Variants in RABGAP1L observed in about 807,000 individuals in gnomAD.
RABGAP1L encodes RAB GTPase activating protein 1 like.
RABGAP1L carries 63 observed loss-of-function variants against 137.7 expected under a neutral mutation model. That is an observed-to-expected ratio of 0.46 (90% CI 0.37 to 0.56). The LOEUF is 0.56. Among genes scored for constraint, RABGAP1L ranks in the 20% least tolerant of loss-of-function variants. RABGAP1L has a pLI of 0.00. For missense variants in RABGAP1L, 1,095 were observed against 1,244.0 expected, an observed-to-expected ratio of 0.88 and a Z score of 1.80; for synonymous variants, 431 against 433.7, an observed-to-expected ratio of 0.99 and a Z score of 0.08.
intron 13 of RABGAP1L, among the ~76,000 whole-genome samples, chr1:174,398,653 T>C (rs1461187863): frequency 6.6e-6 from 1 of 152,206 alleles, no homozygotes. Context: ...CAACTCCATC[T>C]ATATATTCTT....
chr1:174,252,511 T>C lies in RABGAP1L; in HGVS notation c.907T>C (p.Phe303Leu). Residue 303 changes from phenylalanine (F) to leucine (L), a missense_variant, in exon 7 of 26, where the codon TTC becomes CTC. Physicochemically the swap from Phe to Leu is conservative, Grantham distance 22. Around this residue, in one of 4 missense-constraint regions of RABGAP1L, gnomAD observed 112 missense variants for 157.3 expected, o/e 0.71. Transcript: ENST00000681986. ...GCCTAAGGATAGAGATAAATTTTAT[T>C]TCAAATTAAAGCAAGGAATAGAGAA... The part of the protein sequence containing the change: ...PVPKDRDKFY[F>L]KLKQGIEKKV... 2 of 1,613,216 alleles carry C rather than the reference T, an allele frequency of 1.2e-6. No homozygotes were observed. Among genetic ancestry groups the C allele is most frequent in the Non-Finnish European group, 1.7e-6 (2 of 1,179,690 alleles).
At chr1:174,692,742 C>T (rs1240484186) in intron 15 of RABGAP1L, among the ~76,000 whole-genome samples, 2 of 152,068 alleles carry the variant, frequency 1.3e-5, no homozygotes, top group African/African-American at 4.8e-5. Context: ...ATGTATAAGA[C>T]AGAGTCTCTG....
intron 4 of RABGAP1L, among the ~76,000 whole-genome samples, chr1:174,239,497 A>G (rs1218429295): frequency 2.0e-5 from 3 of 152,172 alleles, no homozygotes; most frequent in Admixed American, 6.5e-5. Context: ...GTTTCATCTT[A>G]GTAAACATTT....
chr1:174,718,666 A>C (rs1482526453), intron 17 of RABGAP1L, among the ~76,000 whole-genome samples: 1 of 152,026 alleles, frequency 6.6e-6, no homozygotes, highest in African/African-American at 2.4e-5. Context: ...TATCAGGCTG[A>C]GTGTAAGGAT....
At chr1:174,565,289 G>A (rs1217793902) in intron 13 of RABGAP1L, among the ~76,000 whole-genome samples, 1 of 152,102 alleles carries the variant, frequency 6.6e-6, no homozygotes, top group Non-Finnish European at 1.5e-5. Context: ...GTAATGAAAC[G>A]TGGCTTTCCC....
chr1:174,620,080 A>AGG (rs537482465), intron 13 of RABGAP1L, among the ~76,000 whole-genome samples: 3,419 of 149,994 alleles, frequency 0.023, 61 homozygotes, highest in Middle Eastern at 0.086. Flanking sequence ...ATTCAACAAG[A>AGG]ATAACTATCC....
Position 174,841,040 on chromosome 1 carries a change from AT to A in RABGAP1L, c.2340+29081del, listed in dbSNP as rs1693341776. On this transcript the variant is annotated intron_variant, in intron 19 of 25. Coordinates refer to ENST00000681986, the MANE Select transcript of RABGAP1L (RefSeq NM_001366446.1). ...ATCCATAAAGCAGAAACTACAGAAA[AT>A]ATAAAGAATAATAGTTACATAGTAG... is the stretch of plus-strand genomic sequence containing the variant. Among the ~76,000 whole-genome samples, 3 of 152,102 alleles carry A rather than the reference AT, an allele frequency of 2.0e-5. No individual in the cohort carries two copies. The South Asian group carries it at 6.2e-4, about 32-fold the overall frequency.
intron 4 of RABGAP1L, among the ~76,000 whole-genome samples, chr1:174,232,391 A>G (rs1005004977): frequency 6.6e-6 from 1 of 151,880 alleles, no homozygotes; most frequent in Non-Finnish European, 1.5e-5. Flanking sequence ...AGGCTGAGGC[A>G]GGAGAATCGC....
chr1:174,610,707 C>T (rs1365822133), intron 13 of RABGAP1L, among the ~76,000 whole-genome samples: 1 of 152,220 alleles, frequency 6.6e-6, no homozygotes, highest in Admixed American at 6.5e-5. Flanking sequence ...CACATCCTCT[C>T]CAGCACCTGT....
chr1:174,655,481 T>G (rs1486572727), intron 14 of RABGAP1L, among the ~76,000 whole-genome samples: 1 of 152,200 alleles, frequency 6.6e-6, no homozygotes, highest in Non-Finnish European at 1.5e-5. Context: ...GAATAATCTG[T>G]TCTTATTTCT....
At chr1:174,808,787 G>A (rs1199942673) in intron 18 of RABGAP1L, among the ~76,000 whole-genome samples, 1 of 151,882 alleles carries the variant, frequency 6.6e-6, no homozygotes, top group Admixed American at 6.6e-5. Context: ...CCAAGTAGCT[G>A]GGATTACAGG....
At chr1:174,488,214 A>G (rs1436354504) in intron 13 of RABGAP1L, among the ~76,000 whole-genome samples, 2 of 151,834 alleles carry the variant, frequency 1.3e-5, no homozygotes, top group Non-Finnish European at 2.9e-5. Context: ...TGTAGAACAG[A>G]TCTAGTGTTT....
At chr1:174,898,679 T>C (rs1657636582) in intron 19 of RABGAP1L, among the ~76,000 whole-genome samples, 1 of 152,236 alleles carries the variant, frequency 6.6e-6, no homozygotes, top group East Asian at 1.9e-4. Context: ...TTGTGCTTTA[T>C]ACATGGAAAG....
intron 23 of RABGAP1L, among the ~76,000 whole-genome samples, chr1:174,981,961 T>C (rs1671171871): frequency 6.6e-6 from 1 of 152,190 alleles, no homozygotes; most frequent in Non-Finnish European, 1.5e-5. Context: ...TTAGAAAGAT[T>C]AATGACTTTG....
chr1:174,506,329 A>T (rs1278900087), intron 13 of RABGAP1L, among the ~76,000 whole-genome samples: 1 of 152,222 alleles, frequency 6.6e-6, no homozygotes, highest in Non-Finnish European at 1.5e-5. Context: ...TGGCAGAGAT[A>T]AATAGTCAGA....
chr1:174,186,422 T>G (rs2148317411), intron 1 of RABGAP1L, among the ~76,000 whole-genome samples: 1 of 152,360 alleles, frequency 6.6e-6, no homozygotes, highest in South Asian at 2.1e-4. Context: ...GCAGTTATTT[T>G]AAACTGCTTT....
intron 10 of RABGAP1L, among the ~76,000 whole-genome samples, chr1:174,292,080 C>G (rs1362229803): frequency 2.1e-5 from 3 of 145,474 alleles, no homozygotes; most frequent in Non-Finnish European, 4.5e-5. Flanking sequence ...CTCTGTCACC[C>G]AGGCTGGAGT....
At chr1:174,311,283 C>T (rs541248290) in intron 11 of RABGAP1L, among the ~76,000 whole-genome samples, 100 of 152,252 alleles carry the variant, frequency 6.6e-4, no homozygotes, top group African/African-American at 2.3e-3. Context: ...GAAGAGCCCC[C>T]TTATAAAACC....
At chr1:174,567,000 T>G (rs1211426493) in intron 13 of RABGAP1L, among the ~76,000 whole-genome samples, 2 of 152,204 alleles carry the variant, frequency 1.3e-5, no homozygotes, top group Admixed American at 1.3e-4. Context: ...ATAATATTTA[T>G]CATTATACTC....
Sources: gnomAD v4.1 joint callset for allele counts (sites outside exome capture counted in the v4.1 genomes callset) on GRCh38, gnomAD v4.1.1 for gene constraint, gnomAD v4.1.1 regional missense constraint, MANE v1.5 for transcripts, NCBI Gene and HGNC (gene_info 2026-07-23, HGNC 2026-07-21) for gene names.